SNTA1: variants seen among roughly 807,000 people sequenced by gnomAD.
SNTA1 encodes alpha-1-syntrophin.
A neutral mutation model predicts 47.1 loss-of-function variants in SNTA1; 31 were observed. The observed-to-expected ratio is 0.66, with a 90% confidence interval of 0.49 to 0.89. The LOEUF (loss-of-function observed/expected upper bound fraction) is 0.89, where lower values mean the gene tolerates loss of function less well. Among genes scored for constraint, SNTA1 ranks in the 40% least tolerant of loss-of-function variants. SNTA1 has a pLI of 0.00. For synonymous variants in SNTA1, 300 were observed against 313.6 expected (o/e 0.96, Z 0.46); for missense variants, 575 against 693.0 (o/e 0.83, Z 1.91).
intron 2 of SNTA1, among the ~76,000 whole-genome samples, chr20:33,431,274 G>A (rs1437060369): frequency 6.6e-6 from 1 of 152,008 alleles, no homozygotes; most frequent in African/African-American, 2.4e-5. Flanking sequence ...CAAAATTTTT[G>A]TTTTTGATTA....
At chr20:33,413,622 A>G (rs942054172) in intron 3 of SNTA1, among the ~76,000 whole-genome samples, 10 of 149,514 alleles carry the variant, frequency 6.7e-5, no homozygotes, top group African/African-American at 2.5e-4. Flanking sequence ...TAATAAGAGC[A>G]GGGGAAAAAA....
At chr20:33,414,272 A>AAAAAAAAAC in intron 3 of SNTA1, among the ~76,000 whole-genome samples, 1 of 138,698 alleles carries the variant, frequency 7.2e-6, no homozygotes, top group Non-Finnish European at 1.6e-5. Flanking sequence ...AAAAAAAAAA[A>AAAAAAAAAC]CAGAAAAACA....
At chr20:33,409,803 G>C (rs1039827456) in intron 6 of SNTA1, among the ~76,000 whole-genome samples, 1 of 152,078 alleles carries the variant, frequency 6.6e-6, no homozygotes, top group South Asian at 2.1e-4. Flanking sequence ...GCTAATTTTT[G>C]TATTTTTAGT....
intron 1 of SNTA1, 69 bp downstream of exon 1, chr20:33,443,242 T>C (rs1010269439): frequency 4.1e-5 from 52 of 1,272,440 alleles, no homozygotes; most frequent in Non-Finnish European, 5.3e-5. Context: ...CTGGGCGCGC[T>C]GCCAGCCCCC....
chr20:33,427,655 C>G (rs752321522), intron 2 of SNTA1, among the ~76,000 whole-genome samples: 19 of 152,160 alleles, frequency 1.2e-4, no homozygotes, highest in Non-Finnish European at 2.4e-4. Flanking sequence ...TAACAGCAAC[C>G]CTTCCAGGAA....
chr20:33,418,329 C>G (rs1291147641), intron 2 of SNTA1, among the ~76,000 whole-genome samples: 1 of 150,048 alleles, frequency 6.7e-6, no homozygotes, highest in African/African-American at 2.5e-5. Context: ...GATCACAGCT[C>G]GCTACAGCCT....
intron 3 of SNTA1, among the ~76,000 whole-genome samples, chr20:33,414,979 G>A (rs1989838384): frequency 6.6e-6 from 1 of 152,170 alleles, no homozygotes; most frequent in African/African-American, 2.4e-5. Context: ...GTAAAAGTTT[G>A]AAGCAGTTTT....
At chr20:33,413,159 T>C (rs1171779402) in intron 3 of SNTA1, among the ~76,000 whole-genome samples, 1 of 151,908 alleles carries the variant, frequency 6.6e-6, no homozygotes, top group African/African-American at 2.4e-5. Flanking sequence ...CACACCCATA[T>C]AATTTTTGTA....
At chr20:33,425,453 G>A (rs767316843) in intron 2 of SNTA1, among the ~76,000 whole-genome samples, 2 of 151,842 alleles carry the variant, frequency 1.3e-5, no homozygotes, top group African/African-American at 2.4e-5. Flanking sequence ...TTGAGCCCAG[G>A]AGTTCAAGAC....
At chr20:33,442,084 A>G (rs997262024) in intron 1 of SNTA1, among the ~76,000 whole-genome samples, 1 of 152,198 alleles carries the variant, frequency 6.6e-6, no homozygotes, top group Non-Finnish European at 1.5e-5. Flanking sequence ...ATCGTGGGAA[A>G]ATCATTTTAA....
intron 2 of SNTA1, among the ~76,000 whole-genome samples, chr20:33,420,979 G>A (rs1313393852): frequency 2.0e-5 from 3 of 148,480 alleles, no homozygotes; most frequent in Admixed American, 6.8e-5. Context: ...GCAAGACCCC[G>A]TCTCAAAAAA....
chr20:33,418,388 G>C (rs1252523883), intron 2 of SNTA1, among the ~76,000 whole-genome samples: 1 of 151,682 alleles, frequency 6.6e-6, no homozygotes, highest in East Asian at 1.9e-4. Context: ...CCAAGTAGCT[G>C]GGTCTACAGG....
chr20:33,438,932 G>T lies in SNTA1; in HGVS notation c.405C>A (p.Ile135=). ...QTEALFVGDA[I]LSVNGEDLSS... Reference sequence around the variant, plus strand: ...ACAAGTCTTCCCCATTCACAGACAGGATGGCATCCCCCACAAAAAGGGCCT... The same window carrying T: ...ACAAGTCTTCCCCATTCACAGACAGTATGGCATCCCCCACAAAAAGGGCCT... The change falls in exon 2 of 8, where the codon ATC becomes ATA. Residue 135 remains isoleucine (I), a synonymous_variant. Coordinates refer to ENST00000217381, the MANE Select transcript of SNTA1 (RefSeq NM_003098.3). The T allele has an allele frequency of 6.2e-7, 1 of 1,614,036 alleles. No homozygotes were observed. The highest frequency in any genetic ancestry group is 8.5e-7 in the Non-Finnish European group (1 of 1,179,906).
intron 2 of SNTA1, among the ~76,000 whole-genome samples, chr20:33,428,802 A>T (rs1444724234): frequency 6.6e-6 from 1 of 152,088 alleles, no homozygotes; most frequent in African/African-American, 2.4e-5. Flanking sequence ...GCAGTCTGGG[A>T]GGCCGAGGCA....
chr20:33,443,454 G>A lies in SNTA1; in HGVS notation c.167C>T (p.Pro56Leu). The stretch of plus-strand genomic sequence containing the variant: ...GAGCTGCGCGGGCTCCTGCTCCCGC[G>A]GAGCGCCGGGCTCGGGACCAGGGTC... ...DGDPGPEPGAPREQEPAQLNG... is the reference protein window; with the variant it reads ...DGDPGPEPGALREQEPAQLNG... The change falls in exon 1 of 8, where the codon CCG becomes CTG. Residue 56 changes from proline to leucine, a missense_variant. By Grantham distance (98) the Pro-to-Leu change is moderately conservative. Coordinates refer to ENST00000217381, the MANE Select transcript of SNTA1 (RefSeq NM_003098.3). The A allele has an allele frequency of 1.5e-6, 2 of 1,363,946 alleles. No individual in the cohort carries two copies. The highest frequency in any genetic ancestry group is 1.9e-6 in the Non-Finnish European group (2 of 1,056,470). The allele number at this position is 1,363,946 out of a possible 1,614,324, so 84.5% of individuals were successfully genotyped here.
Position 33,412,596 on chromosome 20 carries a change from C to T in SNTA1, c.888G>A (p.Gln296=). ...GTACCTGCTCAGTTAGCCAGCCAAT[C>T]TGCTTGATGTCCTGGCTCCCAGCTG... ...TSTAGSQDIK[Q]IGWLTEQLPS... Residue 296 remains glutamine, a synonymous_variant, in exon 4 of 8, where the codon CAG becomes CAA. Coordinates refer to ENST00000217381, the MANE Select transcript of SNTA1 (RefSeq NM_003098.3). 1 of 1,613,730 alleles carries T rather than the reference C, an allele frequency of 6.2e-7. No homozygotes were observed. The highest frequency in any genetic ancestry group is 8.5e-7 in the Non-Finnish European group (1 of 1,180,016).
At chr20:33,436,247 C>T (rs571830637) in intron 2 of SNTA1, among the ~76,000 whole-genome samples, 69 of 152,100 alleles carry the variant, frequency 4.5e-4, no homozygotes, top group South Asian at 1.0e-3. Flanking sequence ...AGGGGACCTC[C>T]GTGTGAATGT....
chr20:33,437,310 C>T (rs1490717855), intron 2 of SNTA1, among the ~76,000 whole-genome samples: 2 of 150,330 alleles, frequency 1.3e-5, no homozygotes, highest in African/African-American at 4.9e-5. Context: ...ATCTGTAGTC[C>T]CAGCCACTCA....
intron 6 of SNTA1, 30 bp downstream of exon 6, chr20:33,410,105 G>A (rs775649132): frequency 6.2e-7 from 1 of 1,611,186 alleles, no homozygotes; most frequent in South Asian, 1.1e-5. Flanking sequence ...CTTATTACCA[G>A]AGGGACACTC....
Sources: gnomAD v4.1 joint callset for allele counts (sites outside exome capture counted in the v4.1 genomes callset) on GRCh38, gnomAD v4.1.1 for gene constraint, MANE v1.5 for transcripts, NCBI Gene and HGNC (gene_info 2026-07-23, HGNC 2026-07-21) for gene names.